The following RFX6 variants were observed in gnomAD, a reference collection of about 807,000 sequenced individuals.
RFX6 encodes DNA-binding protein RFX6.
In RFX6, 50 loss-of-function variants were observed where a neutral mutation model predicts 110.8. The observed-to-expected ratio is 0.45, with a 90% CI of 0.36 to 0.57. The LOEUF is 0.57. Among genes scored for constraint, RFX6 ranks in the 20% least tolerant of loss-of-function variants. RFX6 has a pLI of 0.00. For missense variants in RFX6, 990 were observed against 1,127.0 expected (o/e 0.88, Z 1.74); for synonymous variants, 383 against 411.2 (o/e 0.93, Z 0.83).
chr6:116,877,788 G>T lies in RFX6; in HGVS notation c.224-8G>T, dbSNP rs755551208. The T allele has an allele frequency of 1.9e-6, 3 of 1,613,798 alleles. No individual in the cohort carries two copies. The highest frequency in any genetic ancestry group is 2.5e-6 in the Non-Finnish European group (3 of 1,179,824). On this transcript the variant is annotated splice_region_variant and splice_polypyrimidine_tract_variant and intron_variant, in intron 1 of 18. Transcript: ENST00000332958. The stretch of plus-strand genomic sequence containing the variant: ...TTTTTCTTTATCATCCCTTCAACTG[G>T]CAATCAGAAATGCACTTAAACAATG...
chr6:116,925,311 C>T, intron 15 of RFX6, 142 bp from the exon 16 acceptor site: 1 of 794,228 alleles, frequency 1.3e-6, no homozygotes. Flanking sequence ...CTGCCAACCT[C>T]ACTTCCCATG....
intron 6 of RFX6, among the ~76,000 whole-genome samples, chr6:116,908,691 C>G (rs1057431737): frequency 1.6e-5 from 1 of 61,264 alleles, no homozygotes; most frequent in African/African-American, 4.0e-5. Flanking sequence ...CACACACAGA[C>G]ACACACACAC....
chr6:116,911,397 A>G lies in RFX6; in HGVS notation c.780+355A>G, dbSNP rs537179474. Among the ~76,000 whole-genome samples the G allele has an allele frequency of 2.0e-5, 3 of 152,294 alleles. No homozygotes were observed. The East Asian group carries it at 5.8e-4, about 29-fold the overall frequency. ...CAATTATCTCCATTTTATTTCAGCA[A>G]ATGGTCATCAAGCATTTCTCTAGGA... On this transcript the variant is annotated intron_variant, in intron 7 of 18. Transcript: ENST00000332958.
intron 4 of RFX6, 136 bp from the exon 5 acceptor site, chr6:116,893,851 C>A (rs1185001132): frequency 8.5e-6 from 6 of 707,166 alleles, no homozygotes; most frequent in East Asian, 5.3e-5. Flanking sequence ...TGCTGCCTAC[C>A]TGAAAAATGT....
chr6:116,904,779 G>A (rs555969991), intron 6 of RFX6, among the ~76,000 whole-genome samples: 1 of 152,076 alleles, frequency 6.6e-6, no homozygotes, highest in Non-Finnish European at 1.5e-5. Context: ...TTGTCTTCTG[G>A]TGACTGACTT....
chr6:116,894,809 T>G (rs1774907263), intron 5 of RFX6, among the ~76,000 whole-genome samples: 1 of 152,044 alleles, frequency 6.6e-6, no homozygotes, highest in Non-Finnish European at 1.5e-5. Context: ...AAAAAAAAGT[T>G]TAGTCACTGA....
In RFX6 at chr6:116,926,174, C is replaced by T. The variant is rs549760240; in HGVS notation, c.1885+515C>T. 3.3e-5 allele frequency among the ~76,000 whole-genome samples: 5 copies of T among 152,114 alleles called. No individual in the cohort carries two copies. In the South Asian group the frequency reaches 6.2e-4, roughly 19 times the overall value. On this transcript the variant is annotated intron_variant, in intron 16 of 18. Transcript: ENST00000332958. Reference sequence around the variant, plus strand: ...TCTACTAAACATACAAAAAATTAGCCGGGCTTGGTGGCAGGCGCCTGTACT... The same window carrying T: ...TCTACTAAACATACAAAAAATTAGCTGGGCTTGGTGGCAGGCGCCTGTACT...
chr6:116,910,769 G>A (rs1406720128), intron 6 of RFX6, among the ~76,000 whole-genome samples, 166 bp from the exon 7 acceptor site: 14 of 152,042 alleles, frequency 9.2e-5, no homozygotes, highest in African/African-American at 3.1e-4. Flanking sequence ...GACATGTCTC[G>A]TTTATTCAGT....
chr6:116,896,411 A>G lies in RFX6; in HGVS notation c.672+1204A>G, dbSNP rs144237324. Reference sequence around the variant, plus strand: ...GCAATAATAGTGTACCATTACTTTGATGATTATAGAAATTAACACAACTAA... The same window carrying G: ...GCAATAATAGTGTACCATTACTTTGGTGATTATAGAAATTAACACAACTAA... On this transcript the variant is annotated intron_variant, in intron 6 of 18. Transcript: ENST00000332958. Among the ~76,000 whole-genome samples, 840 of 152,324 alleles carry G rather than the reference A, an allele frequency of 5.5e-3. 15 individuals are homozygous for G. Among genetic ancestry groups the G allele is most frequent in the East Asian group, 0.022 (112 of 5,194 alleles).
chr6:116,907,869 AATTTT>A (rs200988686), intron 6 of RFX6, among the ~76,000 whole-genome samples: 1,691 of 152,078 alleles, frequency 0.011, 29 homozygotes, highest in Admixed American at 0.041. Flanking sequence ...TTCTCCCTTT[AATTTT>A]GTCAATTTTT....
chr6:116,884,563 A>T (rs1158557973), intron 4 of RFX6, among the ~76,000 whole-genome samples: 1 of 152,094 alleles, frequency 6.6e-6, no homozygotes, highest in African/African-American at 2.4e-5. Context: ...ATTCCTACTG[A>T]ATTGTATTGG....
chr6:116,888,878 C>T (rs1310979995), intron 4 of RFX6, among the ~76,000 whole-genome samples: 1 of 152,116 alleles, frequency 6.6e-6, no homozygotes, highest in East Asian at 1.9e-4. Flanking sequence ...TGAACTCTCT[C>T]TCCCCAGTTT....
chr6:116,927,416 C>T lies in RFX6; in HGVS notation c.2275C>T (p.Pro759Ser), dbSNP rs1201538349. 35 of 1,614,116 alleles carry T rather than the reference C, an allele frequency of 2.2e-5. No homozygotes were observed. The highest frequency in any genetic ancestry group is 3.0e-5 in the Non-Finnish European group (35 of 1,180,010). The change falls in exon 17 of 19, where the codon CCA becomes TCA. Residue 759 changes from proline (P) to serine (S), a missense_variant. By Grantham distance (74) the Pro-to-Ser change is moderately conservative. Coordinates refer to ENST00000332958, the MANE Select transcript of RFX6 (RefSeq NM_173560.4). ...CTCCCGGCCACCGTCTAGCTATGGC[C>T]CATCCCTGCAAGCCCAGGATTCACA... is the stretch of plus-strand genomic sequence containing the variant. ...YNSRPPSSYG[P>S]SLQAQDSHNM...
At chr6:116,891,495 T>G (rs1774830981) in intron 4 of RFX6, among the ~76,000 whole-genome samples, 1 of 152,228 alleles carries the variant, frequency 6.6e-6, no homozygotes, top group Non-Finnish European at 1.5e-5. Flanking sequence ...ACTATAAAGC[T>G]TATAGAACAA....
chr6:116,916,151 A>G, intron 8 of RFX6, 50 bp from the exon 9 acceptor site: 1 of 1,548,056 alleles, frequency 6.5e-7, no homozygotes, highest in Non-Finnish European at 8.9e-7. Flanking sequence ...GTTCTTAATG[A>G]GTTCATGTTA....
chr6:116,928,206 T>C (rs1775794671), intron 17 of RFX6, among the ~76,000 whole-genome samples: 1 of 152,080 alleles, frequency 6.6e-6, no homozygotes. Context: ...TAAAAGCAGA[T>C]TTTAAAGATT....
At chr6:116,891,667 ACT>A (rs1434288129) in intron 4 of RFX6, among the ~76,000 whole-genome samples, 1 of 152,132 alleles carries the variant, frequency 6.6e-6, no homozygotes, top group Non-Finnish European at 1.5e-5. Flanking sequence ...ATTATTTCAG[ACT>A]CTGGCTTATT....
chr6:116,928,945 C>T lies in RFX6; in HGVS notation c.2585C>T (p.Pro862Leu). The change falls in exon 18 of 19, where the codon CCA becomes CTA. Residue 862 changes from proline to leucine, a missense_variant. Pro to Leu is a moderately conservative substitution (Grantham distance 98, BLOSUM62 -3). Around this residue, in one of 5 missense-constraint regions of RFX6, gnomAD observed 438 missense variants for 441.9 expected, o/e 0.99. Coordinates refer to ENST00000332958, the MANE Select transcript of RFX6 (RefSeq NM_173560.4). ...TSSFYTDTSS[P>L]VACRTPVLAS... The stretch of plus-strand genomic sequence containing the variant: ...TCGTTTTACACAGACACATCATCTC[C>T]AGTTGCATGTCGAACTCCAGTCCTA... 6.2e-7 allele frequency: 1 copy of T among 1,611,828 alleles called. No homozygotes were observed. The highest frequency in any genetic ancestry group is 8.5e-7 in the Non-Finnish European group (1 of 1,177,910).
chr6:116,915,602 T>G lies in RFX6; in HGVS notation c.781-406T>G, dbSNP rs1217559415. ...TAAAACTGTGTGAAGATTTGATGTATTTTACTACTTTATGTTTATTTATCC... is the reference window on the plus strand; with the variant it reads ...TAAAACTGTGTGAAGATTTGATGTAGTTTACTACTTTATGTTTATTTATCC... On this transcript the variant is annotated intron_variant, in intron 7 of 18. Coordinates refer to ENST00000332958, the MANE Select transcript of RFX6 (RefSeq NM_173560.4). 2.0e-5 allele frequency among the ~76,000 whole-genome samples: 3 copies of G among 152,136 alleles called. No individual in the cohort carries two copies. The South Asian group carries it at 6.2e-4, about 32-fold the overall frequency.
Sources: gnomAD v4.1 joint callset for allele counts (sites outside exome capture counted in the v4.1 genomes callset) on GRCh38, gnomAD v4.1.1 for gene constraint, gnomAD v4.1.1 regional missense constraint, MANE v1.5 for transcripts, NCBI Gene and HGNC (gene_info 2026-07-23, HGNC 2026-07-21) for gene names.